EFCAB10: variants seen among roughly 807,000 people sequenced by gnomAD.
EFCAB10 encodes EF-hand calcium binding domain 10.
Under a neutral mutation model 7.7 loss-of-function variants are expected in EFCAB10, and 7 were observed. That is an observed-to-expected ratio of 0.91 (90% CI 0.52 to 1.72). The LOEUF is 1.72. Among genes scored for constraint, EFCAB10 ranks in the 40% most tolerant of loss-of-function variants. The pLI is 0.00. For missense variants in EFCAB10, 112 were observed against 61.5 expected (o/e 1.82, Z -2.74); for synonymous variants, 52 against 21.0 (o/e 2.47, Z -4.03).
At chr7:105,569,316 G>A (rs1278316938) in intron 2 of EFCAB10, 26 bp from the exon 3 acceptor site, 1 of 695,432 alleles carries the variant, frequency 1.4e-6, no homozygotes, top group African/African-American at 1.8e-5. Context: ...AAGAAATGAA[G>A]TGAGAATTTT....
intron 4 of EFCAB10, chr7:105,566,773 TCTG>T (rs1482223432): frequency 5.0e-5 from 8 of 160,152 alleles, no homozygotes; most frequent in African/African-American, 1.7e-4. Flanking sequence ...TAATGTTCTT[TCTG>T]CTGCTTTCAT....
chr7:105,565,369 T>C lies in EFCAB10; in HGVS notation c.*78A>G. On this transcript the variant is annotated 3_prime_UTR_variant, in exon 5 of 5. Transcript: ENST00000480514. ...CTGCTGACGTTACGAGACCATTTAC[T>C]TCAGTTGGAGCAGCAGCTTTGTTTC... is the stretch of plus-strand genomic sequence containing the variant. The C allele has an allele frequency of 6.2e-7, 1 of 1,614,230 alleles. No individual in the cohort carries two copies. The highest frequency in any genetic ancestry group is 1.1e-5 in the South Asian group (1 of 91,088).
chr7:105,570,247 A>AAAAAAT (rs1791910414), intron 1 of EFCAB10, among the ~76,000 whole-genome samples: 1 of 72,898 alleles, frequency 1.4e-5, no homozygotes, highest in Non-Finnish European at 2.6e-5. Flanking sequence ...AAAAATATAT[A>AAAAAAT]TATATATATA....
At chr7:105,569,941 G>A (rs958212755) in intron 1 of EFCAB10, among the ~76,000 whole-genome samples, 3 of 151,780 alleles carry the variant, frequency 2.0e-5, no homozygotes, top group Admixed American at 2.0e-4. Context: ...ATAAATAATA[G>A]GCTGGGCATG....
chr7:105,579,970 T>A (rs960036631), intron 1 of EFCAB10, among the ~76,000 whole-genome samples: 3 of 151,516 alleles, frequency 2.0e-5, no homozygotes, highest in African/African-American at 7.3e-5. Context: ...CTTGTTATGA[T>A]GAAGAAAATT....
At chr7:105,570,228 AAAAAAAAAAAAAATATATAT>A (rs1346193840) in intron 1 of EFCAB10, among the ~76,000 whole-genome samples, 7 of 65,038 alleles carry the variant, frequency 1.1e-4, no homozygotes, top group African/African-American at 4.7e-4. Context: ...AAAAAAAAAA[AAAAAAAAAAAAAATATATAT>A]ATATATATAT....
intron 4 of EFCAB10, chr7:105,566,913 T>C (rs1231916308): frequency 5.6e-6 from 2 of 356,444 alleles, no homozygotes; most frequent in Admixed American, 9.1e-5. Context: ...AGGGATCGTA[T>C]TACCTTATAG....
intron 1 of EFCAB10, among the ~76,000 whole-genome samples, chr7:105,580,465 C>T (rs2115590492): frequency 6.6e-6 from 1 of 152,274 alleles, no homozygotes; most frequent in Non-Finnish European, 1.5e-5. Flanking sequence ...AGCCACTGCT[C>T]CTGGCCTATT....
chr7:105,565,484 C>CT (rs766277399), intron 4 of EFCAB10, 37 bp from the exon 5 acceptor site: 1 of 1,610,472 alleles, frequency 6.2e-7, no homozygotes, highest in Non-Finnish European at 8.5e-7. Flanking sequence ...TGTTTTTGGG[C>CT]TGTGATAATA....
chr7:105,570,735 T>A lies in EFCAB10; in HGVS notation c.107-1164A>T, dbSNP rs370007110. ...CAACTCATATTTTCTTTCAAAAATT[T>A]AAGTAACAGCTGGGCACGGTGGCTC... On this transcript the variant is annotated intron_variant, in intron 1 of 4. Coordinates refer to ENST00000480514, the MANE Select transcript of EFCAB10 (RefSeq NM_001355526.2). Among the ~76,000 whole-genome samples the A allele has an allele frequency of 2.6e-5, 4 of 152,236 alleles. No individual in the cohort carries two copies. In the East Asian group the frequency reaches 7.8e-4, roughly 30 times the overall value.
At position 105,565,363 on chromosome 7, in the gene EFCAB10, A is replaced by T. The variant is rs200970042; in HGVS notation, c.*84T>A. On this transcript the variant is annotated 3_prime_UTR_variant, in exon 5 of 5. Coordinates refer to ENST00000480514, the MANE Select transcript of EFCAB10 (RefSeq NM_001355526.2). ...CCGTTGCTGCTGACGTTACGAGACC[A>T]TTTACTTCAGTTGGAGCAGCAGCTT... 1 of 1,614,220 alleles carries T rather than the reference A, an allele frequency of 6.2e-7. No homozygotes were observed. Among genetic ancestry groups the T allele is most frequent in the East Asian group, 2.2e-5 (1 of 44,886 alleles).
chr7:105,570,207 C>CA (rs1562866287), intron 1 of EFCAB10, among the ~76,000 whole-genome samples: 1 of 38,534 alleles, frequency 2.6e-5, no homozygotes, highest in Non-Finnish European at 4.7e-5. Context: ...GAGCAAGACT[C>CA]TCTCAAAAAA....
rs1346787773 is a variant in EFCAB10, at chr7:105,565,592, G to C, written c.*-145C>G. 1.2e-6 allele frequency: 2 copies of C among 1,613,794 alleles called. No individual in the cohort carries two copies. The highest frequency in any genetic ancestry group is 1.7e-6 in the Non-Finnish European group (2 of 1,179,920). ...CCCAGCTGCAGTTTGATATGACTCG[G>C]AATCTTTTCCCTTTGTTTTCTCACT... On this transcript the variant is annotated intron_variant, in intron 4 of 4. Transcript: ENST00000480514.
intron 1 of EFCAB10, among the ~76,000 whole-genome samples, chr7:105,578,815 C>T (rs1400494969): frequency 6.6e-6 from 1 of 152,202 alleles, no homozygotes; most frequent in Non-Finnish European, 1.5e-5. Flanking sequence ...CTCTGTTGCT[C>T]AGGCTGGAGT....
chr7:105,570,241 ATATATATATAT>A (rs1300992392), intron 1 of EFCAB10, among the ~76,000 whole-genome samples: 1 of 28,390 alleles, frequency 3.5e-5, no homozygotes, highest in Non-Finnish European at 7.0e-5. Flanking sequence ...AAAAAAAAAA[ATATATATATAT>A]ATATATATAT....
chr7:105,568,183 G>A (rs1728944828), intron 3 of EFCAB10, among the ~76,000 whole-genome samples: 1 of 152,128 alleles, frequency 6.6e-6, no homozygotes, highest in Non-Finnish European at 1.5e-5. Context: ...GGTAGGGAAT[G>A]TAATTAAACA....
chr7:105,566,994 T>G, intron 4 of EFCAB10: 1 of 497,770 alleles, frequency 2.0e-6, no homozygotes, highest in East Asian at 3.3e-5. Context: ...AATAAATCCA[T>G]AAATATTTTT....
chr7:105,568,465 A>C (rs1328564888), intron 3 of EFCAB10, among the ~76,000 whole-genome samples: 1 of 152,230 alleles, frequency 6.6e-6, no homozygotes, highest in Admixed American at 6.5e-5. Flanking sequence ...CATGCAGCCT[A>C]TGCTTCTGAT....
intron 1 of EFCAB10, among the ~76,000 whole-genome samples, chr7:105,576,053 A>G (rs2115563439): frequency 6.6e-6 from 1 of 152,248 alleles, no homozygotes; most frequent in African/African-American, 2.4e-5. Context: ...AAAAAGAAAT[A>G]CCAGGGGCTT....
Sources: gnomAD v4.1 joint callset for allele counts (sites outside exome capture counted in the v4.1 genomes callset) on GRCh38, gnomAD v4.1.1 for gene constraint, MANE v1.5 for transcripts, NCBI Gene and HGNC (gene_info 2026-07-23, HGNC 2026-07-21) for gene names.